Variants in RBPMS observed in about 807,000 individuals in gnomAD.
RBPMS encodes RNA binding protein, mRNA processing factor.
RBPMS carries 7 observed loss-of-function variants against 26.8 expected under a neutral mutation model. The ratio of observed to expected loss-of-function variants is 0.26; its 90% CI spans 0.15 to 0.49. The LOEUF (loss-of-function observed/expected upper bound fraction) is 0.49, where lower values mean the gene tolerates loss of function less well. Ranked by LOEUF, RBPMS falls within the 20% of genes least tolerant of loss-of-function variation. The pLI is 0.98. For missense variants in RBPMS, 186 were observed against 250.0 expected (o/e 0.74, Z 1.73); for synonymous variants, 96 against 93.3 (o/e 1.03, Z -0.17).
intron 1 of RBPMS, among the ~76,000 whole-genome samples, chr8:30,458,898 TCTCACTTTGTTGCCTCCCG>T (rs1292341717): frequency 2.8e-4 from 43 of 151,682 alleles, no homozygotes; most frequent in African/African-American, 9.7e-4. Flanking sequence ...AAAGATAGGG[TCTCACTTTGTTGCCTCCCG>T]AAGTGATGAG....
intron 6 of RBPMS, among the ~76,000 whole-genome samples, chr8:30,548,335 A>G (rs866565142): frequency 1.4e-5 from 2 of 147,146 alleles, no homozygotes; most frequent in African/African-American, 5.1e-5. Context: ...GAAAGTCGTT[A>G]AAGTATACTG....
chr8:30,506,336 TAAAA>T (rs34344286), intron 5 of RBPMS, among the ~76,000 whole-genome samples: 6 of 132,128 alleles, frequency 4.5e-5, no homozygotes, highest in Non-Finnish European at 7.9e-5. Flanking sequence ...ATTTGAAGTT[TAAAA>T]AAAAAAAAAA....
chr8:30,444,708 G>A (rs1447915104), intron 1 of RBPMS: 1 of 152,200 alleles, frequency 6.6e-6, no homozygotes, highest in African/African-American at 2.4e-5. Flanking sequence ...GAACAAGAAA[G>A]ACAGAACAAA....
rs1554533817 is a variant in RBPMS, at chr8:30,518,711, T to TTTTTTTTTTTTTTTC, written c.397+14279_397+14280insTTTTTTTTTTCTTTT. Among the ~76,000 whole-genome samples the TTTTTTTTTTTTTTTC allele has an allele frequency of 2.9e-5, 4 of 136,636 alleles. 1 individual carries two copies. The highest frequency in any genetic ancestry group is 6.3e-5 in the Non-Finnish European group (4 of 63,924). 89.6% of individuals were successfully genotyped at this position (136,636 alleles called of 152,430 possible). A position where few individuals can be genotyped will look rare whatever the true frequency, so the allele number is the denominator to read the frequency against. On this transcript the variant is annotated intron_variant, in intron 5 of 8. Transcript: ENST00000397323. Reference sequence around the variant, plus strand: ...ACTTTTTTTTTTTTTTTTTTTTTTTTTTTTCTGAAAAGGAGTATGATTTTT... The same window carrying TTTTTTTTTTTTTTTC: ...ACTTTTTTTTTTTTTTTTTTTTTTTTTTTTTTTTTTTTTTCTTTTCTGAAAAGGAGTATGATTTTT...
intron 7 of RBPMS, among the ~76,000 whole-genome samples, chr8:30,559,786 T>G (rs1827291907): frequency 6.6e-6 from 1 of 152,258 alleles, no homozygotes; most frequent in Non-Finnish European, 1.5e-5. Context: ...CTGATCCTCA[T>G]GCTGTTAGAA....
intron 5 of RBPMS, among the ~76,000 whole-genome samples, chr8:30,527,934 G>C (rs959263106): frequency 2.6e-5 from 4 of 152,254 alleles, no homozygotes; most frequent in East Asian, 1.9e-4. Flanking sequence ...CCAGCACTTC[G>C]GGAAGCCAAG....
intron 1 of RBPMS, among the ~76,000 whole-genome samples, chr8:30,452,480 C>G (rs1401826922): frequency 6.6e-6 from 1 of 152,118 alleles, no homozygotes. Context: ...TATCCAGACA[C>G]CAGAAGAACA....
intron 4 of RBPMS, among the ~76,000 whole-genome samples, chr8:30,492,206 T>C (rs1819474698): frequency 6.6e-6 from 1 of 152,212 alleles, no homozygotes; most frequent in South Asian, 2.1e-4. Flanking sequence ...CACTTGTTTT[T>C]TAAAATAATT....
At chr8:30,530,822 G>T (rs1563416801) in intron 5 of RBPMS, among the ~76,000 whole-genome samples, 1 of 152,064 alleles carries the variant, frequency 6.6e-6, no homozygotes, top group Non-Finnish European at 1.5e-5. Flanking sequence ...ATGAGAATAG[G>T]TACTACTACT....
At chr8:30,541,302 CT>C (rs1232134511) in intron 5 of RBPMS, among the ~76,000 whole-genome samples, 9 of 152,274 alleles carry the variant, frequency 5.9e-5, no homozygotes, top group African/African-American at 2.2e-4. Flanking sequence ...CTCTGCAGTT[CT>C]TTCGTTTCAA....
chr8:30,418,004 T>C (rs1353676816), intron 1 of RBPMS, among the ~76,000 whole-genome samples: 7 of 152,228 alleles, frequency 4.6e-5, no homozygotes, highest in Admixed American at 4.6e-4. Context: ...AATAACTACA[T>C]ATATACTTGA....
intron 1 of RBPMS, among the ~76,000 whole-genome samples, chr8:30,466,649 C>T (rs1305195644): frequency 6.7e-6 from 1 of 148,410 alleles, no homozygotes; most frequent in Non-Finnish European, 1.5e-5. Flanking sequence ...GGCTAGAGTG[C>T]AGTGGCGCAA....
At chr8:30,413,558 A>G (rs1005640743) in intron 1 of RBPMS, among the ~76,000 whole-genome samples, 1 of 152,208 alleles carries the variant, frequency 6.6e-6, no homozygotes, top group Non-Finnish European at 1.5e-5. Context: ...ATAAATACCA[A>G]TATTTGGTGC....
At chr8:30,422,481 C>T (rs2150628595) in intron 1 of RBPMS, among the ~76,000 whole-genome samples, 1 of 152,176 alleles carries the variant, frequency 6.6e-6, no homozygotes, top group East Asian at 1.9e-4. Context: ...GTTACCCAGG[C>T]TCGTCTCGAA....
At chr8:30,514,168 A>G (rs1272336380) in intron 5 of RBPMS, among the ~76,000 whole-genome samples, 1 of 152,210 alleles carries the variant, frequency 6.6e-6, no homozygotes, top group Admixed American at 6.5e-5. Flanking sequence ...TTAAGAAAAA[A>G]GCCAATTTTG....
At chr8:30,410,308 A>G (rs1234720065) in intron 1 of RBPMS, among the ~76,000 whole-genome samples, 1 of 152,144 alleles carries the variant, frequency 6.6e-6, no homozygotes, top group African/African-American at 2.4e-5. Flanking sequence ...TCCTGGGTTC[A>G]AACGATTCTC....
intron 4 of RBPMS, among the ~76,000 whole-genome samples, chr8:30,499,554 A>T (rs145049262): frequency 6.6e-6 from 1 of 152,224 alleles, no homozygotes; most frequent in Non-Finnish European, 1.5e-5. Flanking sequence ...TGTGCAGGAC[A>T]TCCATCTCTG....
intron 6 of RBPMS, among the ~76,000 whole-genome samples, chr8:30,549,750 C>CCTTTTCTTTCCTTTT (rs1554543795): frequency 1.3e-5 from 1 of 76,210 alleles, no homozygotes; most frequent in African/African-American, 5.3e-5. Context: ...TTCTTTCTTT[C>CCTTTTCTTTCCTTTT]CTTTTCTTTT....
chr8:30,448,978 C>G (rs1220598269), intron 1 of RBPMS, among the ~76,000 whole-genome samples: 1 of 152,138 alleles, frequency 6.6e-6, no homozygotes, highest in African/African-American at 2.4e-5. Context: ...TTACTCAGCC[C>G]CTGGGATTGA....
Sources: allele counts gnomAD v4.1 joint callset (sites outside exome capture counted in the v4.1 genomes callset), GRCh38; gene constraint gnomAD v4.1.1; transcripts MANE v1.5; gene names NCBI Gene and HGNC (gene_info 2026-07-23, HGNC 2026-07-21).